The following ILKAP variants were observed in gnomAD, a reference collection of about 807,000 sequenced individuals.
ILKAP encodes ILK associated serine/threonine phosphatase.
A neutral mutation model predicts 49.1 loss-of-function variants in ILKAP; 11 were observed. That is an observed-to-expected ratio of 0.22 (90% CI 0.14 to 0.37). ILKAP has a LOEUF of 0.37. Ranked by LOEUF, ILKAP falls within the 10% of genes least tolerant of loss-of-function variation. The pLI, the probability that ILKAP is intolerant of heterozygous loss-of-function variation, is 1.00. For missense variants in ILKAP, 363 were observed against 510.8 expected, an observed-to-expected ratio of 0.71 and a Z score of 2.79; for synonymous variants, 186 against 192.8, an observed-to-expected ratio of 0.96 and a Z score of 0.29.
At chr2:238,188,430 T>C in intron 4 of ILKAP, 173 bp from the exon 5 acceptor site, 1 of 723,466 alleles carries the variant, frequency 1.4e-6, no homozygotes, top group Non-Finnish European at 2.2e-6. Flanking sequence ...AGTCTATAAC[T>C]CAAATCGGAG....
rs1235522882 is a variant in ILKAP at position 238,203,595 on chromosome 2, G to A, written c.-42C>T. 41 of 1,117,982 alleles carry A rather than the reference G, an allele frequency of 3.7e-5. No individual in the cohort carries two copies. The highest frequency in any genetic ancestry group is 4.1e-5 in the Non-Finnish European group (37 of 909,066). 69.3% of individuals were successfully genotyped at this position (1,117,982 alleles called of 1,614,324 possible). On this transcript the variant is annotated 5_prime_UTR_variant, in exon 1 of 12. Coordinates refer to ENST00000254654, the MANE Select transcript of ILKAP (RefSeq NM_030768.3). Reference sequence around the variant, plus strand: ...AGGCGGCAGCAGCGACAGACACTCAGCCCGCGAGCAGCGGCCGGGCTCCAC... The same window carrying A: ...AGGCGGCAGCAGCGACAGACACTCAACCCGCGAGCAGCGGCCGGGCTCCAC...
chr2:238,181,143 C>A (rs1166658189), intron 9 of ILKAP, among the ~76,000 whole-genome samples: 1 of 152,214 alleles, frequency 6.6e-6, no homozygotes, highest in Non-Finnish European at 1.5e-5. Context: ...GTACCACTGA[C>A]TAGATTCAGC....
At position 238,178,427 on chromosome 2, in the gene ILKAP, G is replaced by A. The variant is rs1265729507; in HGVS notation, c.836+3638C>T. Among the ~76,000 whole-genome samples the A allele has an allele frequency of 2.0e-5, 3 of 152,168 alleles. No homozygotes were observed. The South Asian group carries it at 6.2e-4, about 32-fold the overall frequency. ...TTCTCTCAAACTCCTGACGTGGAGC[G>A]ATCCTCCTGCCTCAGCTTCCCGATG... On this transcript the variant is annotated intron_variant, in intron 9 of 11. Coordinates refer to ENST00000254654, the MANE Select transcript of ILKAP (RefSeq NM_030768.3).
At chr2:238,180,358 C>T (rs1693637981) in intron 9 of ILKAP, among the ~76,000 whole-genome samples, 1 of 152,170 alleles carries the variant, frequency 6.6e-6, no homozygotes, top group African/African-American at 2.4e-5. Flanking sequence ...AAAATTCTCA[C>T]TAATTATGTC....
intron 8 of ILKAP, among the ~76,000 whole-genome samples, chr2:238,182,693 A>G (rs1409394098): frequency 6.6e-6 from 1 of 152,232 alleles, no homozygotes; most frequent in Admixed American, 6.5e-5. Flanking sequence ...GGCACGAAGA[A>G]TAAGTAACTC....
intron 9 of ILKAP, among the ~76,000 whole-genome samples, chr2:238,174,770 G>A (rs1025063027): frequency 2.0e-5 from 3 of 152,154 alleles, no homozygotes; most frequent in Non-Finnish European, 4.4e-5. Context: ...AGAGGAAACA[G>A]TGCACAGGGG....
intron 1 of ILKAP, among the ~76,000 whole-genome samples, chr2:238,201,617 T>TTTTTGCA (rs1414053271): frequency 1.3e-5 from 2 of 152,214 alleles, no homozygotes; most frequent in African/African-American, 2.4e-5. Context: ...GCTGCTAAGG[T>TTTTTGCA]GCCAACCTAT....
chr2:238,200,242 CTT>C (rs1481141850), intron 1 of ILKAP, among the ~76,000 whole-genome samples: 2 of 152,118 alleles, frequency 1.3e-5, no homozygotes, highest in Non-Finnish European at 2.9e-5. Context: ...CTTTAAAAAA[CTT>C]GATTCATTCA....
intron 10 of ILKAP, among the ~76,000 whole-genome samples, chr2:238,172,616 A>C (rs1319212230): frequency 6.6e-6 from 1 of 152,232 alleles, no homozygotes; most frequent in Admixed American, 6.5e-5. Context: ...ACGTGAGAAC[A>C]TGACAAACAC....
chr2:238,173,859 C>A, intron 9 of ILKAP: 1 of 616,328 alleles, frequency 1.6e-6, no homozygotes, highest in Non-Finnish European at 2.8e-6. Context: ...GGGACCCTGC[C>A]CAGCTGCACA....
intron 9 of ILKAP, 47 bp downstream of exon 9, chr2:238,182,018 A>T: frequency 6.2e-7 from 1 of 1,607,358 alleles, no homozygotes; most frequent in African/African-American, 1.3e-5. Context: ...ACCCTTCTAC[A>T]GCTAACAGCC....
intron 3 of ILKAP, among the ~76,000 whole-genome samples, chr2:238,192,992 G>A (rs1395965796): frequency 6.6e-6 from 1 of 151,364 alleles, no homozygotes; most frequent in African/African-American, 2.4e-5. Flanking sequence ...CAGCCTGGGT[G>A]AGAGTGTGAG....
intron 8 of ILKAP, 148 bp downstream of exon 8, chr2:238,183,505 T>C (rs77411765): frequency 1.6e-6 from 1 of 616,474 alleles, no homozygotes; most frequent in East Asian, 3.0e-5. Context: ...ACCCAGAAGT[T>C]AAACTGCAGC....
Position 238,185,266 on chromosome 2 carries a change from A to G in ILKAP, c.447T>C (p.Ala149=). 1 of 1,612,388 alleles carries G rather than the reference A, an allele frequency of 6.2e-7. No individual in the cohort carries two copies. Residue 149 remains alanine, a synonymous_variant, in exon 6 of 12, where the codon GCT becomes GCC. Transcript: ENST00000254654. ...SSLITRVSYF[A]VFDGHGGIRA... ...GAATTCCTCCATGTCCATCAAAAAC[A>G]GCAAAATATGAAACCCGAGTACTGA...
chr2:238,181,609 A>G (rs2106330841), intron 9 of ILKAP, among the ~76,000 whole-genome samples: 2 of 150,056 alleles, frequency 1.3e-5, no homozygotes, highest in South Asian at 2.1e-4. Flanking sequence ...GTGAAAAGTG[A>G]CAGGTTTTTT....
intron 3 of ILKAP, among the ~76,000 whole-genome samples, chr2:238,191,171 A>G (rs1218408456): frequency 2.0e-5 from 3 of 148,450 alleles, no homozygotes; most frequent in Non-Finnish European, 4.5e-5. Context: ...TTTTTTTGAG[A>G]CGGAGTCTAC....
intron 8 of ILKAP, among the ~76,000 whole-genome samples, chr2:238,182,512 T>TAAA (rs1458645828): frequency 2.0e-5 from 3 of 152,206 alleles, no homozygotes. Flanking sequence ...AAGGTCCCTT[T>TAAA]TGGCCTGGAG....
intron 5 of ILKAP, chr2:238,186,275 G>T (rs1369614526): frequency 6.6e-6 from 1 of 152,218 alleles, no homozygotes; most frequent in East Asian, 1.9e-4. Context: ...ATAGGCAGTT[G>T]TAACACACTG....
intron 9 of ILKAP, among the ~76,000 whole-genome samples, chr2:238,175,258 G>A (rs1401308987): frequency 6.6e-6 from 1 of 151,432 alleles, no homozygotes; most frequent in African/African-American, 2.4e-5. Context: ...CCAAGTCCAG[G>A]TAAATAAAAA....
Sources: gnomAD v4.1 joint callset for allele counts (sites outside exome capture counted in the v4.1 genomes callset) on GRCh38, gnomAD v4.1.1 for gene constraint, MANE v1.5 for transcripts, NCBI Gene and HGNC (gene_info 2026-07-23, HGNC 2026-07-21) for gene names.